OTOG: variants seen among roughly 807,000 people sequenced by gnomAD.
OTOG encodes the protein otogelin.
OTOG carries 296 observed loss-of-function variants against 313.8 expected under a neutral mutation model. That is an observed-to-expected ratio of 0.94 (90% confidence interval 0.86 to 1.04). The LOEUF (loss-of-function observed/expected upper bound fraction) is 1.04, where lower values mean the gene tolerates loss of function less well. Among genes scored for constraint, OTOG ranks in the 50% least tolerant of loss-of-function variants. The pLI, the probability that OTOG is intolerant of heterozygous loss-of-function variation, is 0.00. For synonymous variants in OTOG, 1,533 were observed against 1,554.9 expected (o/e 0.99, Z 0.33); for missense variants, 3,948 against 3,840.1 (o/e 1.03, Z -0.74).
intron 32 of OTOG, among the ~76,000 whole-genome samples, chr11:17,605,186 C>T (rs919620464): frequency 8.5e-5 from 13 of 152,252 alleles, no homozygotes; most frequent in Non-Finnish European, 1.5e-4. Context: ...CCATAAGGCC[C>T]TGGGCAGGGG....
chr11:17,569,446 A>G (rs769113399), intron 16 of OTOG, among the ~76,000 whole-genome samples, 158 bp downstream of exon 16: 2 of 152,020 alleles, frequency 1.3e-5, no homozygotes, highest in Non-Finnish European at 2.9e-5. Context: ...AAAAATGTGG[A>G]CTCCAAAAAT....
chr11:17,558,081 C>T, intron 8 of OTOG, 104 bp from the exon 9 acceptor site: 3 of 1,390,516 alleles, frequency 2.2e-6, no homozygotes, highest in Non-Finnish European at 2.9e-6. Context: ...TTCTTCAAAA[C>T]TCCTTACCCA....
At chr11:17,579,358 C>T (rs529736791) in intron 23 of OTOG, among the ~76,000 whole-genome samples, 1 of 152,124 alleles carries the variant, frequency 6.6e-6, no homozygotes, top group Non-Finnish European at 1.5e-5. Flanking sequence ...CATGTTATTA[C>T]CTCCTTCAGT....
intron 4 of OTOG, 58 bp downstream of exon 4, chr11:17,552,133 C>T: frequency 6.7e-7 from 1 of 1,497,954 alleles, no homozygotes; most frequent in Non-Finnish European, 9.1e-7. Flanking sequence ...CTGGCAGAGG[C>T]CTGAAAGGGC....
chr11:17,597,811 C>T (rs1236451638), intron 30 of OTOG, among the ~76,000 whole-genome samples: 6 of 152,216 alleles, frequency 3.9e-5, no homozygotes, highest in African/African-American at 9.6e-5. Context: ...CACAGCCTTG[C>T]GCTCTGGGGT....
chr11:17,613,233 TTC>T (rs1853627996), intron 38 of OTOG, among the ~76,000 whole-genome samples: 1 of 131,924 alleles, frequency 7.6e-6, no homozygotes, highest in African/African-American at 3.1e-5. Context: ...CTTTCTTTCT[TTC>T]TTTCTTTCTT....
At chr11:17,568,262 A>G (rs1852332061) in intron 15 of OTOG, among the ~76,000 whole-genome samples, 1 of 152,162 alleles carries the variant, frequency 6.6e-6, no homozygotes, top group African/African-American at 2.4e-5. Flanking sequence ...ATATATATAG[A>G]GAGATTTGAA....
chr11:17,561,590 T>A (rs928837362), intron 14 of OTOG, 72 bp from the exon 15 acceptor site: 2 of 1,490,882 alleles, frequency 1.3e-6, no homozygotes, highest in African/African-American at 2.8e-5. Context: ...GTCCTCCTCA[T>A]ACTTGGAGCT....
At chr11:17,613,170 T>TTTTCTTTC (rs201528443) in intron 38 of OTOG, among the ~76,000 whole-genome samples, 4 of 125,654 alleles carry the variant, frequency 3.2e-5, no homozygotes, top group African/African-American at 1.3e-4. Context: ...CTCTTCTCCC[T>TTTTCTTTC]TTTCTTTCTT....
rs1234189492 is a variant in OTOG at position 17,639,869 on chromosome 11, GTGATGGTGGTGGTGATGGTGAGGA to G, written c.7935+433_7935+456del. The stretch of plus-strand genomic sequence containing the variant: ...TGGTGGTGATGGTGATAATGCAATG[GTGATGGTGGTGGTGATGGTGAGGA>G]TGATGGTGGTGGTGATGGTGAGGAT... On this transcript the variant is annotated intron_variant, in intron 49 of 55. Transcript: ENST00000399397. 9.1e-3 allele frequency among the ~76,000 whole-genome samples: 1,179 copies of G among 130,106 alleles called. 14 individuals carry two copies. The highest frequency in any genetic ancestry group is 0.039 in the African/African-American group (1,121 of 28,592). The allele number at this position is 130,106 out of a possible 152,430, so 85.4% of individuals were successfully genotyped here.
intron 3 of OTOG, among the ~76,000 whole-genome samples, chr11:17,551,289 C>T (rs1315441499): frequency 2.6e-5 from 4 of 152,016 alleles, no homozygotes; most frequent in African/African-American, 9.7e-5. Context: ...GTCATCTAGT[C>T]CTGTGGTGAC....
chr11:17,635,870 A>G (rs1291298151), intron 47 of OTOG, among the ~76,000 whole-genome samples, 159 bp downstream of exon 47: 1 of 152,178 alleles, frequency 6.6e-6, no homozygotes, highest in African/African-American at 2.4e-5. Flanking sequence ...GTGCAGGCCC[A>G]CCTGAAGAAG....
chr11:17,555,836 C>A lies in OTOG; in HGVS notation c.598C>A (p.Leu200Ile). 6.4e-7 allele frequency: 1 copy of A among 1,550,914 alleles called. No individual in the cohort carries two copies. The highest frequency in any genetic ancestry group is 2.0e-5 in the Admixed American group (1 of 51,012). ...CTACACCTGCTCCAGGGCTGTCAGC[C>A]TCTTCTTTGTGGGTGAGCAGGAGAT... ...SPYTCSRAVS[L>I]FFVGEQEIHL... The change falls in exon 7 of 56, where the codon CTC (leucine) becomes ATC (isoleucine). Residue 200 changes from leucine (L) to isoleucine (I), a missense_variant. By Grantham distance (5) the Leu-to-Ile change is conservative. Transcript: ENST00000399397.
chr11:17,636,041 G>A (rs1037717308), intron 47 of OTOG, among the ~76,000 whole-genome samples: 3 of 152,186 alleles, frequency 2.0e-5, no homozygotes, highest in African/African-American at 7.2e-5. Context: ...CTGACCCAAG[G>A]CTCCCCTTCA....
chr11:17,639,285 C>G (rs1847918255), intron 48 of OTOG, 138 bp from the exon 49 acceptor site: 1 of 860,218 alleles, frequency 1.2e-6, no homozygotes, highest in Non-Finnish European at 1.9e-6. Context: ...TGGGCCTCTT[C>G]CTCTCCTCTC....
chr11:17,605,880 G>A lies in OTOG; in HGVS notation c.3901G>A (p.Ala1301Thr), dbSNP rs1383935969. 3 of 1,548,016 alleles carry A rather than the reference G, an allele frequency of 1.9e-6. No homozygotes were observed. In the African/African-American group the frequency reaches 4.1e-5, roughly 21 times the overall value. ...AGACCCAGATGTGGTGTCCCTGGAGGCAGCAGACAGACCCAACTTCTTCCT... is the reference window on the plus strand; with the variant it reads ...AGACCCAGATGTGGTGTCCCTGGAGACAGCAGACAGACCCAACTTCTTCCT... ...AHDPDVVSLE[A>T]ADRPNFFLHV... The change falls in exon 33 of 56, where the codon GCA (alanine) becomes ACA (threonine). Residue 1301 changes from alanine to threonine, a missense_variant. Coordinates refer to ENST00000399397, the MANE Select transcript of OTOG (RefSeq NM_001292063.2).
At position 17,570,889 on chromosome 11, in the gene OTOG, C is replaced by A. The variant is rs549758190; in HGVS notation, c.1955+499C>A. Among the ~76,000 whole-genome samples, 64 of 152,252 alleles carry A rather than the reference C, an allele frequency of 4.2e-4. 1 individual carries two copies. In the South Asian group the frequency reaches 0.013, roughly 30 times the overall value. On this transcript the variant is annotated intron_variant, in intron 17 of 55. Coordinates refer to ENST00000399397, the MANE Select transcript of OTOG (RefSeq NM_001292063.2). ...TTCTAACCCACCAGGCCAGTCTAAC[C>A]CTTGTGCCTTTCCTACCTGGTACTT...
At chr11:17,612,916 C>T (rs1853598025) in intron 38 of OTOG, among the ~76,000 whole-genome samples, 151 bp downstream of exon 38, 1 of 152,176 alleles carries the variant, frequency 6.6e-6, no homozygotes, top group Non-Finnish European at 1.5e-5. Flanking sequence ...GCAGGGCCTC[C>T]CAGGTGATGG....
chr11:17,593,905 C>T, intron 27 of OTOG, 142 bp from the exon 28 acceptor site: 1 of 1,393,264 alleles, frequency 7.2e-7, no homozygotes, highest in Non-Finnish European at 9.7e-7. Flanking sequence ...TCTCCTCTGA[C>T]ATTGCTCCAT....
Sources: allele counts gnomAD v4.1 joint callset (sites outside exome capture counted in the v4.1 genomes callset), GRCh38; gene constraint gnomAD v4.1.1; transcripts MANE v1.5; gene names NCBI Gene and HGNC (gene_info 2026-07-23, HGNC 2026-07-21).